The following SEMA5B variants were observed in gnomAD, a reference collection of about 807,000 sequenced individuals.
SEMA5B encodes the protein semaphorin-5B.
SEMA5B carries 66 observed loss-of-function variants against 135.0 expected under a neutral mutation model. That is an observed-to-expected ratio of 0.49 (90% CI 0.40 to 0.60). The LOEUF (loss-of-function observed/expected upper bound fraction) is 0.60, where lower values mean the gene tolerates loss of function less well. Ranked by LOEUF, SEMA5B falls within the 20% of genes least tolerant of loss-of-function variation. The probability of loss-of-function intolerance (pLI) is 0.00; values close to 1 mark genes in which losing one functional copy is unlikely to be tolerated. For synonymous variants in SEMA5B, 690 were observed against 639.5 expected, an observed-to-expected ratio of 1.08 and a Z score of -1.19; for missense variants, 1,501 against 1,566.3, an observed-to-expected ratio of 0.96 and a Z score of 0.70.
intron 12 of SEMA5B, among the ~76,000 whole-genome samples, chr3:122,918,736 C>T (rs9875236): frequency 0.94 from 142,830 of 152,246 alleles, 67,251 homozygotes; most frequent in Non-Finnish European, 0.99. Flanking sequence ...GAGGGGACCC[C>T]TGAGGCTTCT....
chr3:122,934,494 G>A (rs186966468), intron 5 of SEMA5B, among the ~76,000 whole-genome samples: 1 of 152,294 alleles, frequency 6.6e-6, no homozygotes, highest in Non-Finnish European at 1.5e-5. Context: ...CAGGCTGTGG[G>A]AAACTCTATA....
intron 2 of SEMA5B, among the ~76,000 whole-genome samples, chr3:122,959,119 T>A (rs1940466741): frequency 6.6e-6 from 1 of 152,128 alleles, no homozygotes; most frequent in South Asian, 2.1e-4. Flanking sequence ...AGAGACTAAG[T>A]AATAGTAGGA....
chr3:122,932,733 C>T (rs899124411), intron 5 of SEMA5B, among the ~76,000 whole-genome samples: 1 of 152,146 alleles, frequency 6.6e-6, no homozygotes, highest in Non-Finnish European at 1.5e-5. Context: ...GACATAGAGC[C>T]TGCATTTGCT....
chr3:122,920,247 T>G (rs979690178), intron 12 of SEMA5B, among the ~76,000 whole-genome samples: 4 of 152,222 alleles, frequency 2.6e-5, no homozygotes, highest in African/African-American at 9.6e-5. Flanking sequence ...ATGTTTCTCC[T>G]GCGCCAAACT....
intron 5 of SEMA5B, among the ~76,000 whole-genome samples, chr3:122,931,203 T>TC (rs1328645178): frequency 6.6e-6 from 1 of 152,226 alleles, no homozygotes; most frequent in Non-Finnish European, 1.5e-5. Context: ...TTTAGTTGTT[T>TC]CTCTGTTTTT....
At chr3:122,964,692 C>G (rs1204821624) in intron 1 of SEMA5B, among the ~76,000 whole-genome samples, 1 of 152,210 alleles carries the variant, frequency 6.6e-6, no homozygotes, top group Non-Finnish European at 1.5e-5. Context: ...AGCCAGCTTT[C>G]TCCCTTTACC....
rs1937750347 is a variant in SEMA5B at position 122,912,030 on chromosome 3, T to G, written c.2936A>C (p.Asp979Ala). The change falls in exon 20 of 23, where the codon GAC (aspartate) becomes GCC (alanine). Residue 979 changes from aspartate (D) to alanine (A), a missense_variant. Asp to Ala is a moderately radical substitution (Grantham distance 126). Coordinates refer to ENST00000357599, the MANE Select transcript of SEMA5B (RefSeq NM_001031702.4). ...CCGGCTTCGGCTCTGGGCTCCGTCG[T>G]CAGTGCACTTACTCCACTCAGACCA... ...SPWSEWSKCT[D>A]DGAQSRSRHC... The G allele has an allele frequency of 6.2e-7, 1 of 1,613,728 alleles. No homozygotes were observed. Among genetic ancestry groups the G allele is most frequent in the Admixed American group, 1.7e-5 (1 of 59,996 alleles).
chr3:122,995,468 G>A (rs1392430510), intron 1 of SEMA5B, among the ~76,000 whole-genome samples: 1 of 152,236 alleles, frequency 6.6e-6, no homozygotes, highest in Admixed American at 6.5e-5. Flanking sequence ...CTGGGCAGAA[G>A]AAGCTGTAAT....
At chr3:122,975,250 G>A (rs983130661) in intron 1 of SEMA5B, 4 of 152,478 alleles carry the variant, frequency 2.6e-5, no homozygotes, top group African/African-American at 9.6e-5. Flanking sequence ...CCTGCCAGGA[G>A]AGCTGCCGCT....
Position 122,912,172 on chromosome 3 carries a change from C to T in SEMA5B, c.2896G>A (p.Glu966Lys). The T allele has an allele frequency of 1.3e-6, 2 of 1,583,962 alleles. No homozygotes were observed. Among genetic ancestry groups the T allele is most frequent in the Non-Finnish European group, 1.7e-6 (2 of 1,160,276 alleles). ...EALCATQACP[E>K]GWSPWSEWSK... The stretch of plus-strand genomic sequence containing the variant: ...AGCCCTGGCGGGATGTGCCTCATAC[C>T]TGGGCAGGCCTGTGTGGCACATAGT... Residue 966 changes from glutamate to lysine, a missense_variant and splice_region_variant, in exon 19 of 23, where the codon GAA becomes AAA. Transcript: ENST00000357599.
intron 12 of SEMA5B, among the ~76,000 whole-genome samples, chr3:122,916,811 A>C (rs1938097310): frequency 6.6e-6 from 1 of 152,060 alleles, no homozygotes; most frequent in East Asian, 1.9e-4. Flanking sequence ...TAGCATCTTG[A>C]GAATGAGCTC....
intron 1 of SEMA5B, among the ~76,000 whole-genome samples, chr3:122,979,011 C>T (rs567249903): frequency 1.3e-5 from 2 of 152,254 alleles, no homozygotes; most frequent in East Asian, 1.9e-4. Context: ...CGCACAGTGG[C>T]TCCGAAGGCG....
At chr3:122,952,931 C>T (rs1391840848) in intron 2 of SEMA5B, among the ~76,000 whole-genome samples, 3 of 152,278 alleles carry the variant, frequency 2.0e-5, no homozygotes, top group African/African-American at 7.2e-5. Flanking sequence ...GGTGCCGCCT[C>T]CTTGCTTACC....
At chr3:122,959,224 AC>A (rs1490265596) in intron 2 of SEMA5B, among the ~76,000 whole-genome samples, 2 of 152,072 alleles carry the variant, frequency 1.3e-5, no homozygotes, top group African/African-American at 4.8e-5. Flanking sequence ...CCAAACAATA[AC>A]CCCGTGAGGC....
At chr3:123,020,032 A>G (rs562412049) in intron 1 of SEMA5B, among the ~76,000 whole-genome samples, 12 of 152,366 alleles carry the variant, frequency 7.9e-5, no homozygotes, top group African/African-American at 2.9e-4. Flanking sequence ...AAGTCAGTCA[A>G]AAACGGTCTA....
chr3:122,922,397 G>C lies in SEMA5B; in HGVS notation c.1323C>G (p.Ser441Arg), dbSNP rs772203312. The C allele has an allele frequency of 1.9e-6, 3 of 1,611,312 alleles. No homozygotes were observed. Among genetic ancestry groups the C allele is most frequent in the Non-Finnish European group, 2.5e-6 (3 of 1,179,080 alleles). Reference sequence around the variant, plus strand: ...GGAAGAGGCGCTGCGCGTCCTGCAGGCTGCGCTCCGTCAGGTTCTCGTTGG... The same window carrying C: ...GGAAGAGGCGCTGCGCGTCCTGCAGCCTGCGCTCCGTCAGGTTCTCGTTGG... ...TGPNENLTER[S>R]LQDAQRLFLM... The change falls in exon 11 of 23, where the codon AGC becomes AGG. Residue 441 changes from serine (S) to arginine (R), a missense_variant. Physicochemically the swap from Ser to Arg is moderately radical, Grantham distance 110. Transcript: ENST00000357599.
chr3:122,927,452 CA>C (rs1376238180), intron 8 of SEMA5B, among the ~76,000 whole-genome samples: 1 of 152,202 alleles, frequency 6.6e-6, no homozygotes, highest in Non-Finnish European at 1.5e-5. Flanking sequence ...CTCAGCCTCC[CA>C]AAGTGTTGGG....
intron 1 of SEMA5B, among the ~76,000 whole-genome samples, chr3:123,005,862 T>C (rs1942297462): frequency 1.3e-5 from 2 of 152,202 alleles, no homozygotes; most frequent in South Asian, 2.1e-4. Flanking sequence ...CACCAATTCC[T>C]GTAACCTTTG....
rs780235164 is a variant in SEMA5B, at chr3:122,911,348, C to T, written c.3091+143G>A. ...GGGGCATGGAGGGAACTGCCCAGAC[C>T]ACCCTACACACCATCTCAAAGCAGT... On this transcript the variant is annotated intron_variant, in intron 21 of 22. Coordinates refer to ENST00000357599, the MANE Select transcript of SEMA5B (RefSeq NM_001031702.4). 26 of 1,542,864 alleles carry T rather than the reference C, an allele frequency of 1.7e-5. No homozygotes were observed. The Admixed American group carries it at 5.1e-4, about 30-fold the overall frequency.
Sources: allele counts gnomAD v4.1 joint callset (sites outside exome capture counted in the v4.1 genomes callset), GRCh38; gene constraint gnomAD v4.1.1; transcripts MANE v1.5; gene names NCBI Gene and HGNC (gene_info 2026-07-23, HGNC 2026-07-21).